Variants in HHIP observed in about 807,000 individuals in gnomAD.
HHIP encodes the protein hedgehog interacting protein.
A neutral mutation model predicts 74.0 loss-of-function variants in HHIP; 12 were observed. The observed-to-expected ratio is 0.16, with a 90% CI of 0.10 to 0.26. The LOEUF (loss-of-function observed/expected upper bound fraction) is 0.26, where lower values mean the gene tolerates loss of function less well. Ranked by LOEUF, HHIP falls within the 10% of genes least tolerant of loss-of-function variation. HHIP has a pLI of 1.00. For missense variants in HHIP, 788 were observed against 845.0 expected (o/e 0.93, Z 0.84); for synonymous variants, 309 against 311.6 (o/e 0.99, Z 0.09).
At position 144,707,141 on chromosome 4, in the gene HHIP, A is replaced by T. The variant is rs756622986; in HGVS notation, c.1038A>T (p.Ala346=). The change falls in exon 6 of 13, where the codon GCA becomes GCT. Residue 346 remains alanine, a synonymous_variant. Transcript: ENST00000296575. The stretch of plus-strand genomic sequence containing the variant: ...CAGCCAGAGTCTTTCTTGAAGTTGC[A>T]GAACTCCACAGAAAGCATCTGGGAG... The part of the protein sequence containing the change: ...LRTARVFLEV[A]ELHRKHLGGQ... 1.1e-5 allele frequency: 17 copies of T among 1,613,992 alleles called. No individual in the cohort carries two copies. Among genetic ancestry groups the T allele is most frequent in the Non-Finnish European group, 1.4e-5 (17 of 1,179,950 alleles).
At chr4:144,654,663 C>T (rs1008785741) in intron 2 of HHIP, among the ~76,000 whole-genome samples, 3 of 152,182 alleles carry the variant, frequency 2.0e-5, no homozygotes, top group Non-Finnish European at 2.9e-5. Flanking sequence ...TGCTAATCCC[C>T]ACCCTTCCCT....
Position 144,651,387 on chromosome 4 carries a change from C to T in HHIP, c.280-1218C>T, listed in dbSNP as rs151018315. ...CAGTATGCTTGTATTCAATTTTTTT[C>T]GTTACTTTGCTCTTGCAGATTCAAA... On this transcript the variant is annotated intron_variant, in intron 1 of 12. Transcript: ENST00000296575. 4.0e-3 allele frequency among the ~76,000 whole-genome samples: 612 copies of T among 151,918 alleles called. 6 individuals are homozygous for T. Among genetic ancestry groups the T allele is most frequent in the Middle Eastern group, 0.021 (6 of 292 alleles).
chr4:144,676,863 C>G (rs915867411), intron 4 of HHIP, among the ~76,000 whole-genome samples: 2 of 152,206 alleles, frequency 1.3e-5, no homozygotes, highest in Non-Finnish European at 2.9e-5. Flanking sequence ...GAGGAAAGAA[C>G]AGGTGAACCG....
intron 4 of HHIP, among the ~76,000 whole-genome samples, chr4:144,693,633 A>C (rs1477041378): frequency 6.6e-6 from 1 of 151,958 alleles, no homozygotes; most frequent in Non-Finnish European, 1.5e-5. Context: ...TATAAATCCT[A>C]TTCTAATTTT....
chr4:144,723,012 AT>A (rs375776994), intron 11 of HHIP, among the ~76,000 whole-genome samples: 7 of 152,190 alleles, frequency 4.6e-5, no homozygotes, highest in South Asian at 2.1e-4. Flanking sequence ...TAGAACACGA[AT>A]TTTTTTATAG....
chr4:144,663,394 T>C (rs1728766701), intron 4 of HHIP, among the ~76,000 whole-genome samples: 1 of 152,184 alleles, frequency 6.6e-6, no homozygotes, highest in African/African-American at 2.4e-5. Flanking sequence ...GTAATTCCAA[T>C]GTGTAGCCAA....
At chr4:144,669,317 T>C (rs1728967906) in intron 4 of HHIP, among the ~76,000 whole-genome samples, 1 of 152,224 alleles carries the variant, frequency 6.6e-6, no homozygotes, top group Non-Finnish European at 1.5e-5. Context: ...GAAAAGTTTT[T>C]TTCTAAATCA....
chr4:144,712,885 G>GGGGT (rs71590472), intron 8 of HHIP, among the ~76,000 whole-genome samples: 1 of 144,090 alleles, frequency 6.9e-6, no homozygotes, highest in Non-Finnish European at 1.5e-5. Context: ...TTTTTTTTCA[G>GGGGT]GTGTGTGTGT....
intron 4 of HHIP, among the ~76,000 whole-genome samples, chr4:144,670,180 G>A (rs1236349473): frequency 6.7e-6 from 1 of 148,966 alleles, no homozygotes; most frequent in African/African-American, 2.5e-5. Flanking sequence ...GCAGTAATTG[G>A]TCCCCCGCAG....
chr4:144,715,068 A>G, intron 9 of HHIP: 1 of 384,390 alleles, frequency 2.6e-6, no homozygotes, highest in Non-Finnish European at 4.9e-6. Context: ...CTTTTCTCAT[A>G]CTCAGGTACT....
In HHIP at chr4:144,737,728, T is replaced by A. The variant is rs760122999; in HGVS notation, c.1910-36T>A. Reference sequence around the variant, plus strand: ...TCAGTCCTGTTTCTGACATACAGAATGAGAGTGTGATGTTCTTGCTCTTTT... The same window carrying A: ...TCAGTCCTGTTTCTGACATACAGAAAGAGAGTGTGATGTTCTTGCTCTTTT... On this transcript the variant is annotated intron_variant, in intron 12 of 12. Coordinates refer to ENST00000296575, the MANE Select transcript of HHIP (RefSeq NM_022475.3). 11 of 1,542,440 alleles carry A rather than the reference T, an allele frequency of 7.1e-6. No homozygotes were observed. In the African/African-American group the frequency reaches 1.2e-4, roughly 17 times the overall value.
chr4:144,659,590 C>A, intron 3 of HHIP, 47 bp from the exon 4 acceptor site: 1 of 1,272,598 alleles, frequency 7.9e-7, no homozygotes, highest in Non-Finnish European at 1.0e-6. Context: ...CATCCCTTAT[C>A]TCCTTCATCT....
chr4:144,678,740 C>G (rs1008112445), intron 4 of HHIP, among the ~76,000 whole-genome samples: 10 of 152,132 alleles, frequency 6.6e-5, no homozygotes, highest in African/African-American at 2.2e-4. Context: ...TTTATGGCTA[C>G]GTAGTATTCC....
chr4:144,691,949 T>G (rs964241298), intron 4 of HHIP, among the ~76,000 whole-genome samples: 1 of 152,128 alleles, frequency 6.6e-6, no homozygotes, highest in African/African-American at 2.4e-5. Flanking sequence ...TCAGGTAGAA[T>G]CATTGAATTA....
chr4:144,737,639 G>T, intron 12 of HHIP, 125 bp from the exon 13 acceptor site: 1 of 756,274 alleles, frequency 1.3e-6, no homozygotes. Context: ...AGATCATTTT[G>T]TAACTATCTC....
At chr4:144,663,269 A>G (rs1010597890) in intron 4 of HHIP, among the ~76,000 whole-genome samples, 33 of 152,178 alleles carry the variant, frequency 2.2e-4, no homozygotes, top group African/African-American at 7.5e-4. Context: ...ACTCTAGCCT[A>G]GGCAACAGAG....
chr4:144,654,128 C>T (rs968904491), intron 2 of HHIP, among the ~76,000 whole-genome samples: 2 of 152,056 alleles, frequency 1.3e-5, no homozygotes, highest in Admixed American at 6.6e-5. Context: ...TAGATAACTA[C>T]AACATGCTAG....
In HHIP at chr4:144,646,571, T is replaced by A. The variant is rs1728264465; in HGVS notation, c.-105T>A. On this transcript the variant is annotated 5_prime_UTR_variant, in exon 1 of 13. Coordinates refer to ENST00000296575, the MANE Select transcript of HHIP (RefSeq NM_022475.3). The stretch of plus-strand genomic sequence containing the variant: ...ACCTCCCTCTGTCTCTGGAGTGCCC[T>A]ACAGCCCCGCAAACTCCTCCTGGAG... 1 of 1,202,076 alleles carries A rather than the reference T, an allele frequency of 8.3e-7. No homozygotes were observed. Among genetic ancestry groups the A allele is most frequent in the Admixed American group, 2.2e-5 (1 of 45,252 alleles). The allele number at this position is 1,202,076 out of a possible 1,614,324, so 74.5% of individuals were successfully genotyped here. A position where few individuals can be genotyped will look rare whatever the true frequency, so the allele number is the denominator to read the frequency against.
chr4:144,704,499 T>G (rs1269928905), intron 4 of HHIP, among the ~76,000 whole-genome samples: 2 of 152,244 alleles, frequency 1.3e-5, no homozygotes, highest in African/African-American at 4.8e-5. Context: ...GTGGATTTGT[T>G]TAAATCTCTT....
Sources: allele counts gnomAD v4.1 joint callset (sites outside exome capture counted in the v4.1 genomes callset), GRCh38; gene constraint gnomAD v4.1.1; transcripts MANE v1.5; gene names NCBI Gene and HGNC (gene_info 2026-07-23, HGNC 2026-07-21).